The following CACNA1C variants were observed in gnomAD, a reference collection of about 807,000 sequenced individuals.
The protein encoded by CACNA1C is voltage-dependent L-type calcium channel subunit alpha-1C.
In CACNA1C, 30 loss-of-function variants were observed where a neutral mutation model predicts 229.0. That is an observed-to-expected ratio of 0.13 (90% CI 0.10 to 0.18). The LOEUF is 0.18. Among genes scored for constraint, CACNA1C ranks in the 10% least tolerant of loss-of-function variants. CACNA1C has a pLI of 1.00. For missense variants in CACNA1C, 1,658 were observed against 2,845.0 expected, an observed-to-expected ratio of 0.58 and a Z score of 9.49; for synonymous variants, 1,114 against 1,132.5, an observed-to-expected ratio of 0.98 and a Z score of 0.33.
rs2094682324 is a variant in CACNA1C at position 2,649,347 on chromosome 12, GACCAAGCC to G, written c.3945+847_3945+854del. Among the ~76,000 whole-genome samples, 1 of 152,324 alleles carries G rather than the reference GACCAAGCC, an allele frequency of 6.6e-6. No individual in the cohort carries two copies. The highest frequency in any genetic ancestry group is 2.1e-4 in the South Asian group (1 of 4,822). On this transcript the variant is annotated intron_variant, in intron 31 of 46. Transcript: ENST00000399655. The surrounding 1 kb of genome is among the most constrained non-coding windows in gnomAD (Gnocchi z 4.4). Reference sequence around the variant, plus strand: ...TTTAGAAGGACCAGTGGGGTTGATTGACCAAGCCACCAAGTCTGCAGGCCGAGGCAAGC... The same window carrying G: ...TTTAGAAGGACCAGTGGGGTTGATTGACCAAGTCTGCAGGCCGAGGCAAGC...
chr12:1,992,720 C>G (rs1191717839), intron 1 of CACNA1C: 1 of 168,202 alleles, frequency 5.9e-6, no homozygotes, highest in Non-Finnish European at 1.3e-5. Context: ...TAGTTACCTA[C>G]TACGACTTCC....
chr12:2,445,198 C>G (rs2099266134), intron 3 of CACNA1C, among the ~76,000 whole-genome samples: 1 of 152,198 alleles, frequency 6.6e-6, no homozygotes, highest in South Asian at 2.1e-4. Flanking sequence ...ACCTGGACAA[C>G]TCTTCATCCT....
At chr12:2,515,400 G>A (rs913958771) in intron 9 of CACNA1C, among the ~76,000 whole-genome samples, 1 of 152,206 alleles carries the variant, frequency 6.6e-6, no homozygotes, top group Non-Finnish European at 1.5e-5. Context: ...TTCCTGTCTT[G>A]AGAATTTCAT....
intron 29 of CACNA1C, among the ~76,000 whole-genome samples, chr12:2,618,438 G>C (rs1276313963): frequency 6.6e-6 from 1 of 152,232 alleles, no homozygotes; most frequent in East Asian, 1.9e-4. Flanking sequence ...CAGGAGAAGA[G>C]AGTGCATGAG....
At chr12:2,268,259 G>C (rs1366443426) in intron 3 of CACNA1C, among the ~76,000 whole-genome samples, 1 of 152,118 alleles carries the variant, frequency 6.6e-6, no homozygotes, top group South Asian at 2.1e-4. Context: ...GGGTGGGGTC[G>C]ACAGCCAGAG....
intron 5 of CACNA1C, among the ~76,000 whole-genome samples, chr12:2,458,981 C>CTTTTTTTTTT (rs71057826): frequency 3.5e-4 from 37 of 105,604 alleles, no homozygotes; most frequent in South Asian, 6.7e-4. Flanking sequence ...CTTTTTCTTT[C>CTTTTTTTTTT]TTTTTTTTTT....
Position 2,370,003 on chromosome 12 carries a change from A to G in CACNA1C, c.478-78973A>G, listed in dbSNP as rs370393678. Reference sequence around the variant, plus strand: ...CACGGGGTCAATATTGCTGCTGTATAAGGAGATCTTAGAAATCAATTAAAG... The same window carrying G: ...CACGGGGTCAATATTGCTGCTGTATGAGGAGATCTTAGAAATCAATTAAAG... On this transcript the variant is annotated intron_variant, in intron 3 of 46. Transcript: ENST00000399655. Among the ~76,000 whole-genome samples the G allele has an allele frequency of 2.2e-4, 34 of 152,336 alleles. No homozygotes were observed. The East Asian group carries it at 4.8e-3, about 22-fold the overall frequency.
At chr12:2,480,523 G>A (rs149049582) in intron 5 of CACNA1C, among the ~76,000 whole-genome samples, 3 of 152,322 alleles carry the variant, frequency 2.0e-5, no homozygotes, top group South Asian at 2.1e-4. Flanking sequence ...AGTCACCACC[G>A]TATTCCCATC....
intron 1 of CACNA1C, among the ~76,000 whole-genome samples, chr12:2,000,367 G>A (rs1227760692): frequency 3.3e-5 from 5 of 151,956 alleles, no homozygotes; most frequent in Non-Finnish European, 7.3e-5. Context: ...TCATCTTAGA[G>A]ATCTGAATAA....
At chr12:2,626,005 A>G (rs2086261141) in intron 29 of CACNA1C, among the ~76,000 whole-genome samples, 1 of 152,230 alleles carries the variant, frequency 6.6e-6, no homozygotes, top group Non-Finnish European at 1.5e-5. Context: ...TACTCTGGTT[A>G]TTCCCATGTT....
chr12:2,589,783 A>T (rs957448657), intron 18 of CACNA1C, among the ~76,000 whole-genome samples: 2 of 145,068 alleles, frequency 1.4e-5, no homozygotes, highest in Non-Finnish European at 3.2e-5. Flanking sequence ...GGCAGAGAGG[A>T]TGGCAGCTTG....
At chr12:2,083,798 C>T (rs1352033093) in intron 1 of CACNA1C, among the ~76,000 whole-genome samples, 1 of 152,124 alleles carries the variant, frequency 6.6e-6, no homozygotes, top group Non-Finnish European at 1.5e-5. Context: ...GGGGGAGAAG[C>T]CATTTGACTC....
At chr12:2,681,111 T>C (rs535617695) in intron 42 of CACNA1C, among the ~76,000 whole-genome samples, 145 of 152,214 alleles carry the variant, frequency 9.5e-4, no homozygotes, top group Non-Finnish European at 1.7e-3. Context: ...AAGCTTCTGC[T>C]TAAGGAGGGC....
At chr12:2,332,178 T>G (rs1421572626) in intron 3 of CACNA1C, among the ~76,000 whole-genome samples, 1 of 152,188 alleles carries the variant, frequency 6.6e-6, no homozygotes, top group Non-Finnish European at 1.5e-5. Context: ...ATATGTGTGT[T>G]TATGTATGTG....
chr12:2,190,205 G>C (rs943688264), intron 3 of CACNA1C, among the ~76,000 whole-genome samples: 1 of 152,208 alleles, frequency 6.6e-6, no homozygotes, highest in Admixed American at 6.5e-5. Context: ...TTGTACTTCT[G>C]TGTGAAATGG....
chr12:2,460,200 G>A (rs1410191579), intron 5 of CACNA1C, among the ~76,000 whole-genome samples: 2 of 152,208 alleles, frequency 1.3e-5, no homozygotes, highest in Non-Finnish European at 2.9e-5. Flanking sequence ...TCACAAAATG[G>A]GGCTTAGAGC....
At chr12:2,683,528 CAT>C in intron 43 of CACNA1C, among the ~76,000 whole-genome samples, 1 of 152,306 alleles carries the variant, frequency 6.6e-6, no homozygotes, top group Admixed American at 6.5e-5. Context: ...ACAGAGAGGG[CAT>C]ATGTCATTTC....
chr12:2,131,456 T>C (rs1332613224), intron 3 of CACNA1C, among the ~76,000 whole-genome samples: 6 of 15,346 alleles, frequency 3.9e-4, no homozygotes, highest in Non-Finnish European at 7.0e-4. Flanking sequence ...TTTAAATCTT[T>C]AATCCATCTT....
At chr12:2,249,580 C>A (rs1004527038) in intron 3 of CACNA1C, among the ~76,000 whole-genome samples, 1 of 152,210 alleles carries the variant, frequency 6.6e-6, no homozygotes. Context: ...TACTCCTCTG[C>A]AGTTCGTCAC....
Sources: gnomAD v4.1 joint callset for allele counts (sites outside exome capture counted in the v4.1 genomes callset) on GRCh38, gnomAD v4.1.1 for gene constraint, Gnocchi (gnomAD v3.1) non-coding constraint, MANE v1.5 for transcripts, NCBI Gene and HGNC (gene_info 2026-07-23, HGNC 2026-07-21) for gene names.